Variants in ELOVL6 observed in about 807,000 individuals in gnomAD.
ELOVL6 encodes the protein ELOVL fatty acid elongase 6.
Under a neutral mutation model 31.7 loss-of-function variants are expected in ELOVL6, and 8 were observed. The observed-to-expected ratio is 0.25, with a 90% CI of 0.15 to 0.45. The LOEUF is 0.45. Among genes scored for constraint, ELOVL6 ranks in the 20% least tolerant of loss-of-function variants. ELOVL6 has a pLI of 1.00. For synonymous variants in ELOVL6, 101 were observed against 117.7 expected, an observed-to-expected ratio of 0.86 and a Z score of 0.92; for missense variants, 126 against 326.4, an observed-to-expected ratio of 0.39 and a Z score of 4.73.
At chr4:110,063,799 T>C (rs1755216247) in intron 2 of ELOVL6, among the ~76,000 whole-genome samples, 1 of 150,970 alleles carries the variant, frequency 6.6e-6, no homozygotes, top group Non-Finnish European at 1.5e-5. Context: ...CCATACAGGC[T>C]GGGCACGGTG....
rs1250930011 is a variant in ELOVL6 at position 110,048,104 on chromosome 4, A to T, written c.*3234T>A. ...ATAATCAAGCCTTTCTTTTCCCTCT[A>T]GCAATGTACATGTAAAGTATTCCCT... is the stretch of plus-strand genomic sequence containing the variant. On this transcript the variant is annotated 3_prime_UTR_variant, in exon 4 of 4. Transcript: ENST00000302274. 6.6e-6 allele frequency: 1 copy of T among 152,106 alleles called. No individual in the cohort carries two copies. The highest frequency in any genetic ancestry group is 1.5e-5 in the Non-Finnish European group (1 of 68,032). The allele number at this position is 152,106 out of a possible 1,614,324, so 9.4% of individuals were successfully genotyped here. A position where few individuals can be genotyped will look rare whatever the true frequency, so the allele number is the denominator to read the frequency against.
intron 1 of ELOVL6, among the ~76,000 whole-genome samples, chr4:110,178,500 C>T (rs930670873): frequency 6.6e-6 from 1 of 151,706 alleles, no homozygotes; most frequent in African/African-American, 2.4e-5. Flanking sequence ...TGAGATGGAG[C>T]CAAGATCGTG....
chr4:110,184,595 C>CAATG (rs1444605278), intron 1 of ELOVL6, among the ~76,000 whole-genome samples: 1 of 152,038 alleles, frequency 6.6e-6, no homozygotes, highest in Non-Finnish European at 1.5e-5. Context: ...CTCAGAAAGA[C>CAATG]AATGGGAGGT....
chr4:110,150,832 C>T (rs1366415469), intron 1 of ELOVL6, among the ~76,000 whole-genome samples: 1 of 152,132 alleles, frequency 6.6e-6, no homozygotes, highest in Non-Finnish European at 1.5e-5. Flanking sequence ...CACCTGAGGT[C>T]AGGAGTTTGA....
chr4:110,158,550 TGG>T (rs1758521389), intron 1 of ELOVL6, among the ~76,000 whole-genome samples: 1 of 147,560 alleles, frequency 6.8e-6, no homozygotes, highest in Non-Finnish European at 1.5e-5. Flanking sequence ...GCCAAGATAT[TGG>T]AGAGAGATAT....
chr4:110,171,414 A>ATAAATAAATAAG (rs1758939467), intron 1 of ELOVL6, among the ~76,000 whole-genome samples: 2 of 45,902 alleles, frequency 4.4e-5, no homozygotes, highest in African/African-American at 1.1e-4. Context: ...CATCTCAAAA[A>ATAAATAAATAAG]TAAATAAATA....
chr4:110,146,134 G>A (rs1253028464), intron 1 of ELOVL6, among the ~76,000 whole-genome samples: 4 of 152,128 alleles, frequency 2.6e-5, no homozygotes, highest in Admixed American at 2.0e-4. Flanking sequence ...TGGTACTGCT[G>A]TTAAAAACAG....
At chr4:110,065,902 T>C (rs1755286658) in intron 2 of ELOVL6, among the ~76,000 whole-genome samples, 1 of 152,200 alleles carries the variant, frequency 6.6e-6, no homozygotes, top group African/African-American at 2.4e-5. Flanking sequence ...CCCTTATTGA[T>C]CTTCGTCTTA....
intron 1 of ELOVL6, among the ~76,000 whole-genome samples, chr4:110,130,304 C>G (rs984240982): frequency 6.6e-6 from 1 of 152,134 alleles, no homozygotes; most frequent in Non-Finnish European, 1.5e-5. Context: ...GATTTATTAA[C>G]ATGGACTAGA....
chr4:110,168,640 A>T (rs1055027358), intron 1 of ELOVL6, among the ~76,000 whole-genome samples: 3 of 152,178 alleles, frequency 2.0e-5, no homozygotes, highest in African/African-American at 7.2e-5. Context: ...TATGCTTTTC[A>T]AAATATCACC....
intron 2 of ELOVL6, among the ~76,000 whole-genome samples, chr4:110,071,540 G>T (rs1755481194): frequency 6.6e-6 from 1 of 152,136 alleles, no homozygotes; most frequent in Admixed American, 6.6e-5. Context: ...TACAGTGAGG[G>T]CAAATCACCT....
At chr4:110,190,995 T>A (rs1271904634) in intron 1 of ELOVL6, among the ~76,000 whole-genome samples, 1 of 151,808 alleles carries the variant, frequency 6.6e-6, no homozygotes. Context: ...ATTTTTGTAT[T>A]TTTTGTAGAG....
chr4:110,138,687 A>T (rs187921869), intron 1 of ELOVL6, among the ~76,000 whole-genome samples: 1 of 142,712 alleles, frequency 7.0e-6, no homozygotes, highest in African/African-American at 2.6e-5. Flanking sequence ...AGTTTGGTGT[A>T]TGTAAGGAGC....
intron 1 of ELOVL6, among the ~76,000 whole-genome samples, chr4:110,150,462 A>AT (rs1455641398): frequency 1.3e-5 from 2 of 152,158 alleles, no homozygotes; most frequent in African/African-American, 4.8e-5. Context: ...TGTTACTACA[A>AT]TTTTTTCTGG....
chr4:110,162,034 G>T (rs1201690614), intron 1 of ELOVL6, among the ~76,000 whole-genome samples: 1 of 152,112 alleles, frequency 6.6e-6, no homozygotes, highest in African/African-American at 2.4e-5. Context: ...AGAATTGTGT[G>T]GTTGGGGAAA....
chr4:110,086,665 G>A (rs1400128788), intron 2 of ELOVL6, among the ~76,000 whole-genome samples: 3 of 152,154 alleles, frequency 2.0e-5, no homozygotes, highest in Admixed American at 6.5e-5. Flanking sequence ...GGTTCATTAA[G>A]TGGTAGTGTT....
chr4:110,183,205 C>T (rs1291391863), intron 1 of ELOVL6, among the ~76,000 whole-genome samples: 1 of 152,132 alleles, frequency 6.6e-6, no homozygotes, highest in South Asian at 2.1e-4. Context: ...TACCTAAGAA[C>T]CTTATGTAGA....
At chr4:110,123,139 T>A (rs1458693633) in intron 1 of ELOVL6, among the ~76,000 whole-genome samples, 3 of 152,224 alleles carry the variant, frequency 2.0e-5, no homozygotes, top group Admixed American at 1.3e-4. Flanking sequence ...ATTTTTTAAA[T>A]CTTGTGTTTT....
Position 110,179,322 on chromosome 4 carries a change from T to C in ELOVL6, c.89+18925A>G, listed in dbSNP as rs574402692. 5.1e-3 allele frequency among the ~76,000 whole-genome samples: 782 copies of C among 152,040 alleles called. 5 individuals are homozygous for C. Among genetic ancestry groups the C allele is most frequent in the African/African-American group, 0.017 (720 of 41,378 alleles). On this transcript the variant is annotated intron_variant, in intron 1 of 3. Transcript: ENST00000302274. ...GAGTTCGAGACCAGCCTGGCCAACATGGTGAAACCCCATCTCTACTAAAAA... is the reference window on the plus strand; with the variant it reads ...GAGTTCGAGACCAGCCTGGCCAACACGGTGAAACCCCATCTCTACTAAAAA...
Sources: allele counts gnomAD v4.1 joint callset (sites outside exome capture counted in the v4.1 genomes callset), GRCh38; gene constraint gnomAD v4.1.1; transcripts MANE v1.5; gene names NCBI Gene and HGNC (gene_info 2026-07-23, HGNC 2026-07-21).